Variants in DIS3L observed in about 807,000 individuals in gnomAD.
DIS3L encodes DIS3-like exonuclease 1.
Under a neutral mutation model 120.3 loss-of-function variants are expected in DIS3L, and 100 were observed. That is an observed-to-expected ratio of 0.83 (90% CI 0.71 to 0.98). The LOEUF (loss-of-function observed/expected upper bound fraction) is 0.98. Ranked by LOEUF, DIS3L falls within the 50% of genes least tolerant of loss-of-function variation. The pLI is 0.00. For synonymous variants in DIS3L, 426 were observed against 470.6 expected, an observed-to-expected ratio of 0.91 and a Z score of 1.23; for missense variants, 1,196 against 1,314.2, an observed-to-expected ratio of 0.91 and a Z score of 1.39.
upstream of DIS3L, chr15:66,293,507 C>G: frequency 8.0e-7 from 1 of 1,251,418 alleles, no homozygotes; most frequent in Non-Finnish European, 1.0e-6. Context: ...GTTCCGGAGC[C>G]GCGGCGCCTA....
In DIS3L at chr15:66,318,640, C is replaced by T. The variant is rs760233399; in HGVS notation, c.1164+22C>T. Reference sequence around the variant, plus strand: ...CCAGGTAGTTGGCATTCTACCTCTACTATGGGATCTCTACGCTTTCTCCTT... The same window carrying T: ...CCAGGTAGTTGGCATTCTACCTCTATTATGGGATCTCTACGCTTTCTCCTT... On this transcript the variant is annotated intron_variant, in intron 8 of 16. Transcript: ENST00000319212. 7.5e-6 allele frequency: 12 copies of T among 1,609,846 alleles called. No individual in the cohort carries two copies. The Admixed American group carries it at 1.5e-4, about 20-fold the overall frequency.
chr15:66,326,303 CAGG>C lies in DIS3L; in HGVS notation c.2143_2145del (p.Glu715del). 2 of 1,614,180 alleles carry C rather than the reference CAGG, an allele frequency of 1.2e-6. No homozygotes were observed. The highest frequency in any genetic ancestry group is 1.7e-6 in the Non-Finnish European group (2 of 1,180,044). On this transcript the variant is annotated inframe_deletion, in exon 12 of 17. Coordinates refer to ENST00000319212, the MANE Select transcript of DIS3L (RefSeq NM_001143688.3). ...GCTGCGCCAGCACCCTCCTCCACAC[CAGG>C]AGTTCTTTTCAGAACTCCGGGAATG...
rs2093019830 is a variant in DIS3L, at chr15:66,333,112, TC to T, written c.2970del (p.Leu991CysfsTer2). On this transcript the variant is annotated frameshift_variant, in exon 17 of 17. Coordinates refer to ENST00000319212, the MANE Select transcript of DIS3L (RefSeq NM_001143688.3). LOFTEE classifies it high-confidence loss of function. ...AAATACAGAACTTATTCATCAGAGT[TC>T]CCCCTTGCTGAAGAGTGAGTTAGTG... ...IPNTELIHQS[S>X]PLLKSELVKE... 1.4e-5 allele frequency: 22 copies of T among 1,613,216 alleles called. No homozygotes were observed. The highest frequency in any genetic ancestry group is 1.8e-5 in the Non-Finnish European group (21 of 1,180,018).
At position 66,329,234 on chromosome 15, in the gene DIS3L, T is replaced by G. The variant is rs761395545; in HGVS notation, c.2370T>G (p.Asp790Glu). The change falls in exon 14 of 17, where the codon GAT (aspartate) becomes GAG (glutamate). Residue 790 changes from aspartate (D) to glutamate (E), a missense_variant. Transcript: ENST00000319212. ...TTCTTTTTGAAGGTCTTGCATTAGA[T>G]AAATATACCCACTTTACTTCTCCAA... is the stretch of plus-strand genomic sequence containing the variant. ...EEFHHYGLAL[D>E]KYTHFTSPIR... is the part of the protein sequence containing the mutation. The G allele has an allele frequency of 6.9e-6, 11 of 1,600,454 alleles. No individual in the cohort carries two copies. Among genetic ancestry groups the G allele is most frequent in the Non-Finnish European group, 8.5e-6 (10 of 1,174,212 alleles).
At chr15:66,309,366 C>T (rs1208472739) in intron 4 of DIS3L, among the ~76,000 whole-genome samples, 1 of 151,668 alleles carries the variant, frequency 6.6e-6, no homozygotes, top group Non-Finnish European at 1.5e-5. Flanking sequence ...CCAGTAAACT[C>T]CTACTGACAG....
rs2092642868 is a variant in DIS3L, at chr15:66,301,095, G to C, written c.294-5729G>C. ...GAGAGAACAGTCAGCAGCGGAAAGG[G>C]ATGTTGCATCTGTAGGTAAGGTCAC... On this transcript the variant is annotated intron_variant, in intron 2 of 16. Coordinates refer to ENST00000319212, the MANE Select transcript of DIS3L (RefSeq NM_001143688.3). Among the ~76,000 whole-genome samples the C allele has an allele frequency of 2.0e-5, 3 of 152,168 alleles. No homozygotes were observed. In the South Asian group the frequency reaches 6.2e-4, roughly 32 times the overall value.
chr15:66,311,657 G>A, intron 4 of DIS3L, 67 bp from the exon 5 acceptor site: 2 of 1,587,502 alleles, frequency 1.3e-6, no homozygotes, highest in Non-Finnish European at 8.6e-7. Flanking sequence ...AGGAGTTTCT[G>A]TCATAGTACC....
chr15:66,304,089 C>CAAAAA (rs34711611), intron 2 of DIS3L, among the ~76,000 whole-genome samples: 3 of 72,640 alleles, frequency 4.1e-5, no homozygotes, highest in African/African-American at 5.3e-5. Flanking sequence ...GACTCTGTTT[C>CAAAAA]AAAAAAAAAA....
At chr15:66,316,225 G>GC (rs1235657867) in intron 7 of DIS3L, among the ~76,000 whole-genome samples, 1 of 151,884 alleles carries the variant, frequency 6.6e-6, no homozygotes, top group African/African-American at 2.4e-5. Flanking sequence ...CCCTAGACCT[G>GC]CTCTTCCCCA....
chr15:66,307,130 A>G (rs1308373389), intron 3 of DIS3L, among the ~76,000 whole-genome samples, 178 bp downstream of exon 3: 1 of 152,224 alleles, frequency 6.6e-6, no homozygotes, highest in Non-Finnish European at 1.5e-5. Context: ...TTGAATATAT[A>G]ACTGATACAT....
intron 7 of DIS3L, among the ~76,000 whole-genome samples, chr15:66,318,012 T>C (rs1247885464): frequency 6.6e-6 from 1 of 152,234 alleles, no homozygotes; most frequent in African/African-American, 2.4e-5. Flanking sequence ...TCTCACTCTG[T>C]TGCCCAGGCT....
intron 2 of DIS3L, among the ~76,000 whole-genome samples, chr15:66,306,458 T>G (rs994228310): frequency 1.3e-5 from 2 of 152,200 alleles, no homozygotes; most frequent in African/African-American, 4.8e-5. Context: ...AAAAATAAAG[T>G]GCTAAACTCT....
In DIS3L at chr15:66,323,512, GCAGA is replaced by G; in HGVS notation, c.1595_1598del (p.Ala532ValfsTer27). 1 of 1,614,242 alleles carries G rather than the reference GCAGA, an allele frequency of 6.2e-7. No homozygotes were observed. Among genetic ancestry groups the G allele is most frequent in the Non-Finnish European group, 8.5e-7 (1 of 1,180,042 alleles). Reference sequence around the variant, plus strand: ...TCACAGGGCCACCACTTATTATCTAGCAGATCGTCGCTATGACATGCTGCCTTCC... The same window carrying G: ...TCACAGGGCCACCACTTATTATCTAGTCGTCGCTATGACATGCTGCCTTCC... On this transcript the variant is annotated frameshift_variant, in exon 11 of 17. Coordinates refer to ENST00000319212, the MANE Select transcript of DIS3L (RefSeq NM_001143688.3). LOFTEE classifies it high-confidence loss of function.
At chr15:66,309,103 A>ATATATATATATATATATATATATATC (rs1206894686) in intron 4 of DIS3L, among the ~76,000 whole-genome samples, 1 of 105,410 alleles carries the variant, frequency 9.5e-6, no homozygotes. Flanking sequence ...AAATATATAT[A>ATATATATATATATATATATATATATC]TCTCCAAGCA....
chr15:66,315,841 C>T (rs1566947771), intron 7 of DIS3L, among the ~76,000 whole-genome samples: 1 of 152,166 alleles, frequency 6.6e-6, no homozygotes, highest in Non-Finnish European at 1.5e-5. Context: ...CCAAGGTCAC[C>T]AGTGACCCCA....
intron 14 of DIS3L, among the ~76,000 whole-genome samples, chr15:66,331,182 A>G (rs893523239): frequency 6.6e-6 from 1 of 152,086 alleles, no homozygotes; most frequent in Non-Finnish European, 1.5e-5. Context: ...ACTTTAATAC[A>G]TATTACTAAA....
intron 2 of DIS3L, among the ~76,000 whole-genome samples, chr15:66,297,038 A>G (rs2092595517): frequency 6.6e-6 from 1 of 152,210 alleles, no homozygotes; most frequent in Admixed American, 6.5e-5. Flanking sequence ...TATTACGAGT[A>G]TGATTGAAGA....
In DIS3L at chr15:66,331,929, A is replaced by G. The variant is rs770548426; in HGVS notation, c.2590A>G (p.Lys864Glu). Residue 864 changes from lysine to glutamate, a missense_variant, in exon 15 of 17, where the codon AAA becomes GAA. Coordinates refer to ENST00000319212, the MANE Select transcript of DIS3L (RefSeq NM_001143688.3). ...STELFQCMYF[K>E]DKDPATEERC... ...TGAGCTCTTCCAGTGCATGTACTTC[A>G]AAGACAAAGACCCTGCCACCGAGGA... 6.2e-7 allele frequency: 1 copy of G among 1,613,404 alleles called. No homozygotes were observed. The highest frequency in any genetic ancestry group is 2.2e-5 in the East Asian group (1 of 44,852).
chr15:66,294,859 T>C, intron 1 of DIS3L, 129 bp from the exon 2 acceptor site: 1 of 985,458 alleles, frequency 1.0e-6, no homozygotes, highest in Non-Finnish European at 1.4e-6. Flanking sequence ...CAAAGTAGAT[T>C]TGTCTTTTAA....
Sources: gnomAD v4.1 joint callset for allele counts (sites outside exome capture counted in the v4.1 genomes callset) on GRCh38, gnomAD v4.1.1 for gene constraint, MANE v1.5 for transcripts, NCBI Gene and HGNC (gene_info 2026-07-23, HGNC 2026-07-21) for gene names.